The following NPRL3 variants were observed in gnomAD, a reference collection of about 807,000 sequenced individuals.
NPRL3 encodes NPR3 like, GATOR1 complex subunit, also known as GATOR1 complex protein NPRL3.
NPRL3 carries 23 observed loss-of-function variants against 57.2 expected under a neutral mutation model. The observed-to-expected ratio is 0.40, with a 90% CI of 0.29 to 0.57. NPRL3 has a LOEUF of 0.57. Ranked by LOEUF, NPRL3 falls within the 20% of genes least tolerant of loss-of-function variation. The pLI, the probability that NPRL3 is intolerant of heterozygous loss-of-function variation, is 0.42. For synonymous variants in NPRL3, 333 were observed against 321.1 expected (o/e 1.04, Z -0.39); for missense variants, 691 against 767.1 (o/e 0.90, Z 1.17).
intron 10 of NPRL3, chr16:92,984 TGGA>T: frequency 1.6e-6 from 1 of 615,738 alleles, no homozygotes; most frequent in South Asian, 2.0e-5. Flanking sequence ...AGAGCCAGCC[TGGA>T]GGAGGGGGCC....
At chr16:95,350 T>TATATATACACACACACACAC (rs1223611120) in intron 9 of NPRL3, among the ~76,000 whole-genome samples, 2 of 110,988 alleles carry the variant, frequency 1.8e-5, no homozygotes, top group African/African-American at 7.4e-5. Flanking sequence ...TATATATATA[T>TATATATACACACACACACAC]ACACACACAC....
intron 5 of NPRL3, among the ~76,000 whole-genome samples, chr16:116,121 C>G (rs1295482772): frequency 6.6e-6 from 1 of 152,022 alleles, no homozygotes; most frequent in Non-Finnish European, 1.5e-5. Flanking sequence ...GGCCTGCCTA[C>G]AGCATCCTGG....
At chr16:117,109 A>G (rs1900076925) in intron 5 of NPRL3, among the ~76,000 whole-genome samples, 192 bp downstream of exon 5, 1 of 152,212 alleles carries the variant, frequency 6.6e-6, no homozygotes, top group Non-Finnish European at 1.5e-5. Flanking sequence ...AGACTTCAAA[A>G]TGACAAATAG....
intron 3 of NPRL3, among the ~76,000 whole-genome samples, chr16:129,596 C>T (rs1031136803): frequency 2.6e-5 from 4 of 152,190 alleles, no homozygotes; most frequent in Non-Finnish European, 5.9e-5. Context: ...GAAGGAAAAT[C>T]ACTTGAGGCC....
At position 86,306 on chromosome 16, in the gene NPRL3, C is replaced by T. The variant is rs1347168235; in HGVS notation, c.*399G>A. The T allele has an allele frequency of 4.9e-6, 1 of 202,970 alleles. No homozygotes were observed. The highest frequency in any genetic ancestry group is 1.1e-4 in the East Asian group (1 of 8,890). The allele number at this position is 202,970 out of a possible 1,614,324, so 12.6% of individuals were successfully genotyped here. ...GACAGGCCACACAAGTGTTTCTGCA[C>T]ATTCTTCAGGGTGGCCACAGACTGG... On this transcript the variant is annotated 3_prime_UTR_variant, in exon 14 of 14. Transcript: ENST00000611875.
intron 13 of NPRL3, among the ~76,000 whole-genome samples, chr16:87,201 C>T (rs1261318131): frequency 6.6e-6 from 1 of 152,018 alleles, no homozygotes; most frequent in Non-Finnish European, 1.5e-5. Context: ...GTGAGTCCCA[C>T]GTAGCTCTGG....
chr16:119,057 G>T, intron 4 of NPRL3, 69 bp downstream of exon 4: 1 of 1,581,910 alleles, frequency 6.3e-7, no homozygotes. Flanking sequence ...TGCCCAAGGA[G>T]AGCCACACCT....
intron 8 of NPRL3, among the ~76,000 whole-genome samples, chr16:99,462 G>A (rs1334544215): frequency 6.6e-6 from 1 of 151,936 alleles, no homozygotes; most frequent in Non-Finnish European, 1.5e-5. Context: ...GGCCAACATG[G>A]TGAAACCCCA....
chr16:130,553 C>A lies in NPRL3; in HGVS notation c.157G>T (p.Asp53Tyr). 1.3e-6 allele frequency: 2 copies of A among 1,554,812 alleles called. No individual in the cohort carries two copies. Among genetic ancestry groups the A allele is most frequent in the Non-Finnish European group, 1.7e-6 (2 of 1,148,898 alleles). Residue 53 changes from aspartate (D) to tyrosine (Y), a missense_variant, in exon 3 of 14, where the codon GAC (aspartate) becomes TAC (tyrosine). By Grantham distance (160) the Asp-to-Tyr change is radical. Coordinates refer to ENST00000611875, the MANE Select transcript of NPRL3 (RefSeq NM_001077350.3). The stretch of plus-strand genomic sequence containing the variant: ...TCGCCGTCCTGCTCATCAGCATGGT[C>A]GCCCGTGTTGCTGGCAGCGTATCTG... ...RSRYAASNTG[D>Y]HADEQDGDSR...
intron 7 of NPRL3, among the ~76,000 whole-genome samples, chr16:107,445 A>G (rs1278415905): frequency 6.6e-6 from 1 of 152,128 alleles, no homozygotes; most frequent in Non-Finnish European, 1.5e-5. Flanking sequence ...GGAGTTCGAG[A>G]CCAGCCTGGC....
chr16:100,781 A>AAC lies in NPRL3; in HGVS notation c.630-273_630-272insGT, dbSNP rs1350192490. Among the ~76,000 whole-genome samples the AAC allele has an allele frequency of 0.011, 19 of 1,752 alleles. No individual in the cohort carries two copies. The African/African-American group carries it at 0.11, about 10-fold the overall frequency. The allele number at this position is 1,752 out of a possible 152,430, so 1.1% of individuals were successfully genotyped here. On this transcript the variant is annotated intron_variant, in intron 7 of 13. Coordinates refer to ENST00000611875, the MANE Select transcript of NPRL3 (RefSeq NM_001077350.3). Reference sequence around the variant, plus strand: ...TCAGCAGTTCGAGACCAGCCTGGCTAATAACACGGTGAAACCCCGTCTCTA... The same window carrying AAC: ...TCAGCAGTTCGAGACCAGCCTGGCTAACATAACACGGTGAAACCCCGTCTCTA...
chr16:137,706 C>T (rs1192790127), intron 2 of NPRL3, among the ~76,000 whole-genome samples: 2 of 151,936 alleles, frequency 1.3e-5, no homozygotes, highest in Non-Finnish European at 2.9e-5. Flanking sequence ...CGCACCACCA[C>T]GCTCGGCTAA....
chr16:100,324 A>C (rs1414404606), intron 8 of NPRL3, 48 bp downstream of exon 8: 1 of 1,426,892 alleles, frequency 7.0e-7, no homozygotes, highest in East Asian at 2.7e-5. Context: ...GCAGAAGCTA[A>C]AGGGAAGGGC....
At chr16:88,253 C>T (rs1407527748) in intron 13 of NPRL3, among the ~76,000 whole-genome samples, 4 of 152,232 alleles carry the variant, frequency 2.6e-5, no homozygotes, top group African/African-American at 4.8e-5. Context: ...TGGTGGCGGG[C>T]GCCTGTAGTC....
At position 93,248 on chromosome 16, in the gene NPRL3, G is replaced by A. The variant is rs1898839441; in HGVS notation, c.1002C>T (p.Tyr334=). The A allele has an allele frequency of 6.4e-7, 1 of 1,558,164 alleles. No individual in the cohort carries two copies. ...ATACGCTGGCATTGGGAGACAGCAT[G>A]TAGACGTTGTTCTCACACAGCGGGT... ...IIYPLCENNV[Y]MLSPNASVCL... The change falls in exon 10 of 14, where the codon TAC becomes TAT. Residue 334 remains tyrosine, a synonymous_variant. Coordinates refer to ENST00000611875, the MANE Select transcript of NPRL3 (RefSeq NM_001077350.3).
At chr16:89,127 G>C (rs1267816864) in intron 12 of NPRL3, 1 of 547,064 alleles carries the variant, frequency 1.8e-6, no homozygotes, top group African/African-American at 1.9e-5. Context: ...GACCTGAACA[G>C]AGGTGCGATG....
At chr16:137,071 A>T (rs1040089570) in intron 2 of NPRL3, among the ~76,000 whole-genome samples, 3 of 9,216 alleles carry the variant, frequency 3.3e-4, no homozygotes, top group African/African-American at 6.3e-4. Flanking sequence ...AAAAAAAAAA[A>T]TTGCAGGGTG....
Position 85,582 on chromosome 16 carries a change from G to A in NPRL3, c.*1123C>T. 2 of 1,613,240 alleles carry A rather than the reference G, an allele frequency of 1.2e-6. No homozygotes were observed. Among genetic ancestry groups the A allele is most frequent in the Non-Finnish European group, 1.7e-6 (2 of 1,179,810 alleles). ...CCATCAACAAGAGCTTTGACCAGAG[G>A]GACCTGGCACAGGATGAAGCTGTAT... is the stretch of plus-strand genomic sequence containing the variant. On this transcript the variant is annotated 3_prime_UTR_variant, in exon 14 of 14. Transcript: ENST00000611875.
rs919928179 is a variant in NPRL3 at position 86,580 on chromosome 16, C to T, written c.*125G>A. On this transcript the variant is annotated 3_prime_UTR_variant, in exon 14 of 14. Coordinates refer to ENST00000611875, the MANE Select transcript of NPRL3 (RefSeq NM_001077350.3). The stretch of plus-strand genomic sequence containing the variant: ...AGGCTTCACTGGGCCACGGCCAGCC[C>T]GCATCCACCCAATGCCAGGCCTCAG... The T allele has an allele frequency of 2.8e-5, 28 of 994,568 alleles. 1 individual carries two copies. The highest frequency in any genetic ancestry group is 1.5e-4 in the South Asian group (9 of 60,912). The allele number at this position is 994,568 out of a possible 1,614,324, so 61.6% of individuals were successfully genotyped here.
Sources: allele counts gnomAD v4.1 joint callset (sites outside exome capture counted in the v4.1 genomes callset), GRCh38; gene constraint gnomAD v4.1.1; transcripts MANE v1.5; gene names NCBI Gene and HGNC (gene_info 2026-07-23, HGNC 2026-07-21).